The following LY86 variants were observed in gnomAD, a reference collection of about 807,000 sequenced individuals.
LY86 encodes the protein MD-1, RP105-associated.
A neutral mutation model predicts 17.3 loss-of-function variants in LY86; 20 were observed. That is an observed-to-expected ratio of 1.15 (90% CI 0.81 to 1.68). The LOEUF is 1.68. LY86 is among the 40% of genes most tolerant of loss of function. The pLI is 0.00. For missense variants in LY86, 200 were observed against 191.9 expected (o/e 1.04, Z -0.25); for synonymous variants, 74 against 70.6 (o/e 1.05, Z -0.24).
intron 1 of LY86, among the ~76,000 whole-genome samples, chr6:6,597,305 C>T (rs1236291203): frequency 1.3e-5 from 2 of 152,130 alleles, no homozygotes; most frequent in Non-Finnish European, 2.9e-5. Context: ...ACCAGGTGCC[C>T]CATGAGGCAG....
rs1255011882 is a variant in LY86, at chr6:6,654,690, T to C, written c.*63T>C. The C allele has an allele frequency of 2.9e-6, 4 of 1,380,556 alleles. No individual in the cohort carries two copies. The African/African-American group carries it at 5.7e-5, about 20-fold the overall frequency. 85.5% of individuals were successfully genotyped at this position (1,380,556 alleles called of 1,614,324 possible). A position where few individuals can be genotyped will look rare whatever the true frequency, so the allele number is the denominator to read the frequency against. On this transcript the variant is annotated 3_prime_UTR_variant, in exon 5 of 5. Coordinates refer to ENST00000230568, the MANE Select transcript of LY86 (RefSeq NM_004271.4). Reference sequence around the variant, plus strand: ...CGTGGGACCTCCAAGCTCCTCTGACTGAACCTACTGTGGGAGGAGAAGCAG... The same window carrying C: ...CGTGGGACCTCCAAGCTCCTCTGACCGAACCTACTGTGGGAGGAGAAGCAG...
At chr6:6,639,685 T>C (rs915635080) in intron 3 of LY86, among the ~76,000 whole-genome samples, 2 of 152,176 alleles carry the variant, frequency 1.3e-5, no homozygotes, top group Non-Finnish European at 2.9e-5. Context: ...TGTGATTACA[T>C]TGGACCCCCC....
Position 6,588,824 on chromosome 6 carries a change from C to T in LY86, c.90C>T (p.His30=), listed in dbSNP as rs778636457. 31 of 1,614,050 alleles carry T rather than the reference C, an allele frequency of 1.9e-5. No individual in the cohort carries two copies. In the African/African-American group the frequency reaches 2.1e-4, roughly 11 times the overall value. Residue 30 remains histidine (H), a synonymous_variant, in exon 1 of 5, where the codon CAC becomes CAT. Coordinates refer to ENST00000230568, the MANE Select transcript of LY86 (RefSeq NM_004271.4). ...GGGGGKAWPT[H]VVCSDSGLEV... is the part of the protein sequence containing the mutation. ...GCGGTGGGAAAGCCTGGCCCACACA[C>T]GTGGTCTGTAGCGACAGCGGCTTGG...
chr6:6,611,599 C>T (rs1761334474), intron 1 of LY86, among the ~76,000 whole-genome samples: 1 of 152,240 alleles, frequency 6.6e-6, no homozygotes, highest in Admixed American at 6.5e-5. Context: ...AGGCAAAGCG[C>T]TGCTACCTGT....
chr6:6,638,567 T>A (rs1761992722), intron 3 of LY86, among the ~76,000 whole-genome samples: 1 of 152,338 alleles, frequency 6.6e-6, no homozygotes, highest in Admixed American at 6.5e-5. Flanking sequence ...TGGTGACTAC[T>A]GTATTTGATG....
Position 6,648,610 on chromosome 6 carries a change from C to T in LY86, c.353-1015C>T, listed in dbSNP as rs188486364. Among the ~76,000 whole-genome samples the T allele has an allele frequency of 2.0e-3, 311 of 152,292 alleles. 3 individuals carry two copies. Among genetic ancestry groups the T allele is most frequent in the South Asian group, 0.02 (95 of 4,828 alleles). The stretch of plus-strand genomic sequence containing the variant: ...ACAGACGCCTCCATGACCTGCCACC[C>T]TGTGGAACATGGTGCCTCCCAGTTC... On this transcript the variant is annotated intron_variant, in intron 3 of 4. Transcript: ENST00000230568.
At chr6:6,597,005 G>C (rs1760735814) in intron 1 of LY86, among the ~76,000 whole-genome samples, 2 of 152,062 alleles carry the variant, frequency 1.3e-5, no homozygotes, top group South Asian at 2.1e-4. Context: ...AAATCTTAAT[G>C]GGCAGCTCCG....
At chr6:6,626,453 G>C in intron 3 of LY86, 32 bp downstream of exon 3, 1 of 1,610,544 alleles carries the variant, frequency 6.2e-7, no homozygotes, top group Non-Finnish European at 8.5e-7. Flanking sequence ...CTGCTGGCAG[G>C]GGCCTGCAGA....
Position 6,649,688 on chromosome 6 carries a change from A to C in LY86, c.405+11A>C. On this transcript the variant is annotated intron_variant, in intron 4 of 4. Transcript: ENST00000230568. Reference sequence around the variant, plus strand: ...TTTACTATTCCTCAGGTAAGATATTACTTACTTCTTGTATTAAATAGTTTG... The same window carrying C: ...TTTACTATTCCTCAGGTAAGATATTCCTTACTTCTTGTATTAAATAGTTTG... 1 of 1,498,184 alleles carries C rather than the reference A, an allele frequency of 6.7e-7. No homozygotes were observed. Among genetic ancestry groups the C allele is most frequent in the Non-Finnish European group, 9.3e-7 (1 of 1,080,424 alleles). 92.8% of individuals were successfully genotyped at this position (1,498,184 alleles called of 1,614,324 possible).
At chr6:6,613,443 G>A (rs1448072260) in intron 1 of LY86, among the ~76,000 whole-genome samples, 1 of 152,208 alleles carries the variant, frequency 6.6e-6, no homozygotes. Context: ...CGCGCCGGGA[G>A]GCAGCCAAGG....
intron 1 of LY86, among the ~76,000 whole-genome samples, chr6:6,605,281 GTT>G (rs200212593): frequency 6.7e-5 from 5 of 74,570 alleles, no homozygotes; most frequent in East Asian, 5.7e-4. Flanking sequence ...TCACCTCACA[GTT>G]TTTTTCCTCT....
intron 1 of LY86, among the ~76,000 whole-genome samples, chr6:6,605,454 C>A (rs759756241): frequency 1.3e-5 from 2 of 152,240 alleles, no homozygotes; most frequent in Non-Finnish European, 2.9e-5. Flanking sequence ...ACTCACAGGG[C>A]TGTTACTGGA....
intron 3 of LY86, among the ~76,000 whole-genome samples, chr6:6,648,765 G>GA (rs141102342): frequency 0.05 from 7,261 of 144,310 alleles, 536 homozygotes; most frequent in East Asian, 0.28. Context: ...ACCCATCTTG[G>GA]AAAAAAGAAA....
At chr6:6,625,210 A>C (rs1343750353) in intron 2 of LY86, among the ~76,000 whole-genome samples, 198 bp downstream of exon 2, 1 of 152,084 alleles carries the variant, frequency 6.6e-6, no homozygotes, top group South Asian at 2.1e-4. Context: ...CTCTCACTTA[A>C]AGCTGTACTT....
intron 4 of LY86, among the ~76,000 whole-genome samples, chr6:6,653,410 C>G (rs181171102): frequency 6.6e-6 from 1 of 152,288 alleles, no homozygotes; most frequent in East Asian, 1.9e-4. Context: ...GCTCCGCTTG[C>G]GACCCTCCAA....
chr6:6,590,046 A>T (rs1245496186), intron 1 of LY86, among the ~76,000 whole-genome samples: 2 of 138,406 alleles, frequency 1.4e-5, no homozygotes, highest in African/African-American at 5.3e-5. Flanking sequence ...TGAACCCAGG[A>T]GGTGGAGGTT....
chr6:6,612,555 C>T (rs909903313), intron 1 of LY86, among the ~76,000 whole-genome samples: 3 of 152,156 alleles, frequency 2.0e-5, no homozygotes, highest in Admixed American at 6.5e-5. Context: ...ACGAAACAAC[C>T]AGTTGTCACT....
At chr6:6,623,025 G>C (rs147938602) in intron 1 of LY86, among the ~76,000 whole-genome samples, 1 of 152,124 alleles carries the variant, frequency 6.6e-6, no homozygotes, top group Non-Finnish European at 1.5e-5. Flanking sequence ...CTATATTTTC[G>C]TAACAGTAAA....
chr6:6,609,883 C>A (rs952859909), intron 1 of LY86, among the ~76,000 whole-genome samples: 5 of 151,980 alleles, frequency 3.3e-5, no homozygotes, highest in Non-Finnish European at 7.4e-5. Context: ...GTTCTGTAGG[C>A]CTCTGTGTAT....
Sources: allele counts gnomAD v4.1 joint callset (sites outside exome capture counted in the v4.1 genomes callset), GRCh38; gene constraint gnomAD v4.1.1; transcripts MANE v1.5; gene names NCBI Gene and HGNC (gene_info 2026-07-23, HGNC 2026-07-21).